TENT5D: variants seen among roughly 807,000 people sequenced by gnomAD.
TENT5D encodes the protein cancer/testis antigen 112.
For synonymous variants in TENT5D, 103 were observed against 100.6 expected (o/e 1.02, Z -0.15); for missense variants, 191 against 287.0 (o/e 0.67, Z 2.42).
Position 80,424,083 on chromosome X carries a change from A to AT in TENT5D, c.-142+3532dup, listed in dbSNP as rs1257511387. 3.3e-3 allele frequency among the ~76,000 whole-genome samples: 339 copies of AT among 103,526 alleles called. 1 individual carries two copies. The highest frequency in any genetic ancestry group is 0.01 in the African/African-American group (287 of 28,650). The allele number at this position is 103,526 out of a possible 115,157, so 89.9% of individuals were successfully genotyped here. ...CTGCTGTTAGGGAGATTAAGCGTTG[A>AT]TTTTTTTTTTTTAGCTACTTTTTGC... On this transcript the variant is annotated intron_variant, in intron 1 of 2. Transcript: ENST00000308293.
chrX:80,443,522 T>G (rs768676599), exon 3 of TENT5D: 1 of 1,211,032 alleles, frequency 8.3e-7, no homozygotes, highest in East Asian at 3.0e-5. Context: ...ATCACCATGA[T>G]GGCTTTGAAA....
chrX:80,410,742 G>C (rs1485304752), intron 3 of TENT5D, among the ~76,000 whole-genome samples: 1 of 108,875 alleles, frequency 9.2e-6, no homozygotes, highest in East Asian at 2.9e-4. Context: ...TCCCATTACT[G>C]GGTATATACC....
chrX:80,394,263 G>A (rs1931193431), intron 3 of TENT5D, among the ~76,000 whole-genome samples: 1 of 107,707 alleles, frequency 9.3e-6, no homozygotes, highest in Admixed American at 9.9e-5. Context: ...CAGGCATAAT[G>A]TGATATTTCA....
chrX:80,408,803 A>T (rs1348500025), intron 3 of TENT5D, among the ~76,000 whole-genome samples: 1 of 111,103 alleles, frequency 9.0e-6, no homozygotes, highest in Non-Finnish European at 1.9e-5. Flanking sequence ...CAAAAAAGAG[A>T]ATTTTAGATC....
At chrX:80,437,442 C>G (rs1242180557) in intron 1 of TENT5D, among the ~76,000 whole-genome samples, 1 of 111,729 alleles carries the variant, frequency 9.0e-6, no homozygotes, top group Admixed American at 9.6e-5. Flanking sequence ...ATGCAAGACA[C>G]TTCCGTGAGA....
intron 3 of TENT5D, among the ~76,000 whole-genome samples, chrX:80,361,821 A>C (rs181876342): frequency 8.9e-6 from 1 of 111,761 alleles, no homozygotes; most frequent in East Asian, 2.8e-4. Context: ...AAATGTCATT[A>C]TTTATTCATT....
Position 80,442,435 on chromosome X carries a change from T to TAA in TENT5D, c.-18-86_-18-85dup. ...GTATTATCATGGTTTATGTTGAGGG[T>TAA]AAGTCTATTTTTAACTTTTTCATAT... On this transcript the variant is annotated intron_variant, in intron 2 of 2. Transcript: ENST00000308293. The TAA allele has an allele frequency of 1.0e-5, 6 of 577,877 alleles. No homozygotes were observed. The South Asian group carries it at 1.4e-4, about 13-fold the overall frequency. 47.6% of individuals were successfully genotyped at this position (577,877 alleles called of 1,213,427 possible). A position where few individuals can be genotyped will look rare whatever the true frequency, so the allele number is the denominator to read the frequency against.
chrX:80,412,978 T>A (rs986748901), intron 3 of TENT5D, among the ~76,000 whole-genome samples: 1 of 111,148 alleles, frequency 9.0e-6, no homozygotes, highest in Non-Finnish European at 1.9e-5. Context: ...GATTTAGTTG[T>A]TTTCATTAAC....
At chrX:80,412,783 AT>A (rs1931698255) in intron 3 of TENT5D, among the ~76,000 whole-genome samples, 1 of 111,803 alleles carries the variant, frequency 8.9e-6, no homozygotes, top group Non-Finnish European at 1.9e-5. Flanking sequence ...ATTAATTATT[AT>A]TTTTTAATAG....
chrX:80,336,402 A>G (rs1234707707), intron 2 of TENT5D, among the ~76,000 whole-genome samples: 2 of 110,469 alleles, frequency 1.8e-5, no homozygotes, highest in African/African-American at 3.3e-5. Context: ...AGGTTCTAGG[A>G]AAGTACAGCC....
intron 3 of TENT5D, among the ~76,000 whole-genome samples, chrX:80,385,775 C>T (rs1163146157): frequency 2.7e-5 from 3 of 112,302 alleles, no homozygotes; most frequent in Non-Finnish European, 5.6e-5. Context: ...TATGAACAGA[C>T]ACTTCTCAAA....
At chrX:80,349,659 G>T (rs1366437954) in intron 3 of TENT5D, among the ~76,000 whole-genome samples, 1 of 110,350 alleles carries the variant, frequency 9.1e-6, no homozygotes, top group African/African-American at 3.3e-5. Context: ...CTTCAGTTCT[G>T]CTCTAATCTT....
chrX:80,442,573 G>A, exon 3 of TENT5D: 1 of 1,207,147 alleles, frequency 8.3e-7, no homozygotes, highest in Non-Finnish European at 1.1e-6. Flanking sequence ...TCTCACTTGG[G>A]ATCAAGTTAT....
chrX:80,361,501 C>G (rs1447211762), intron 3 of TENT5D, among the ~76,000 whole-genome samples: 1 of 111,773 alleles, frequency 8.9e-6, no homozygotes, highest in African/African-American at 3.2e-5. Flanking sequence ...TAGGAAATGT[C>G]TTTTTTTGAT....
intron 3 of TENT5D, among the ~76,000 whole-genome samples, chrX:80,405,447 G>T (rs867301631): frequency 2.6e-3 from 290 of 112,701 alleles, no homozygotes; most frequent in African/African-American, 7.7e-3. Flanking sequence ...CCTGGGAAGC[G>T]CAAGGGGTCA....
chrX:80,343,485 C>T (rs2147512553), intron 3 of TENT5D, among the ~76,000 whole-genome samples: 1 of 107,410 alleles, frequency 9.3e-6, no homozygotes, highest in South Asian at 4.3e-4. Flanking sequence ...GCAACCTCCG[C>T]CTCCTGGGTT....
intron 2 of TENT5D, among the ~76,000 whole-genome samples, chrX:80,439,218 T>G (rs777090738): frequency 8.9e-6 from 1 of 111,862 alleles, no homozygotes; most frequent in African/African-American, 3.2e-5. Flanking sequence ...ATTGAAGAGT[T>G]TCTGCCTTGA....
chrX:80,381,171 C>A (rs755781670), intron 3 of TENT5D, among the ~76,000 whole-genome samples: 1 of 111,815 alleles, frequency 8.9e-6, no homozygotes, highest in African/African-American at 3.2e-5. Flanking sequence ...CAAATTCTCT[C>A]AGCATTTGCT....
chrX:80,366,854 T>TGAAGG (rs1930521013), intron 3 of TENT5D, among the ~76,000 whole-genome samples: 1 of 111,841 alleles, frequency 8.9e-6, no homozygotes, highest in Non-Finnish European at 1.9e-5. Context: ...TATACAATTC[T>TGAAGG]GCTTTTAATC....
Sources: allele counts gnomAD v4.1 joint callset (sites outside exome capture counted in the v4.1 genomes callset), GRCh38; gene constraint gnomAD v4.1.1; transcripts MANE v1.5; gene names NCBI Gene and HGNC (gene_info 2026-07-23, HGNC 2026-07-21).